The following ARHGEF3 variants were observed in gnomAD, a reference collection of about 807,000 sequenced individuals.
The protein encoded by ARHGEF3 is Rho guanine nucleotide exchange factor 3, also known as 59.8 kDA protein.
Under a neutral mutation model 63.2 loss-of-function variants are expected in ARHGEF3, and 28 were observed. That is an observed-to-expected ratio of 0.44 (90% CI 0.33 to 0.61). ARHGEF3 has a LOEUF of 0.61. Ranked by LOEUF, ARHGEF3 falls within the 20% of genes least tolerant of loss-of-function variation. The probability of loss-of-function intolerance (pLI) is 0.03; values close to 1 mark genes in which losing one functional copy is unlikely to be tolerated. For synonymous variants in ARHGEF3, 266 were observed against 254.2 expected (o/e 1.05, Z -0.44); for missense variants, 533 against 659.3 (o/e 0.81, Z 2.10).
At chr3:56,775,792 A>ACG (rs1159997839) in intron 1 of ARHGEF3, 25 of 384,100 alleles carry the variant, frequency 6.5e-5, no homozygotes, top group Admixed American at 1.3e-4. Flanking sequence ...ACACACACAC[A>ACG]CGCGCAAGCA....
intron 3 of ARHGEF3, among the ~76,000 whole-genome samples, chr3:56,896,345 G>C (rs1213631548): frequency 6.6e-6 from 1 of 152,118 alleles, no homozygotes; most frequent in Non-Finnish European, 1.5e-5. Flanking sequence ...ATGAGTTGCA[G>C]ACATTATGTC....
chr3:56,810,136 C>T (rs755119010), intron 4 of ARHGEF3, among the ~76,000 whole-genome samples: 1 of 152,236 alleles, frequency 6.6e-6, no homozygotes, highest in East Asian at 1.9e-4. Context: ...AAAATGTATA[C>T]ATTCCAGCTT....
intron 1 of ARHGEF3, among the ~76,000 whole-genome samples, chr3:57,040,474 C>CAAAGGAAAAGAAAAGAAAAGAAAAG (rs374272554): frequency 6.9e-6 from 1 of 144,524 alleles, no homozygotes; most frequent in African/African-American, 2.7e-5. Context: ...AAGACTCCGT[C>CAAAGGAAAAGAAAAGAAAAGAAAAG]AAAAGAAAAG....
intron 4 of ARHGEF3, among the ~76,000 whole-genome samples, chr3:56,879,148 A>G (rs2040686973): frequency 6.6e-6 from 1 of 152,224 alleles, no homozygotes; most frequent in Non-Finnish European, 1.5e-5. Context: ...TATGTATTAC[A>G]ATGTAATAAT....
chr3:56,885,932 C>T (rs1310708763), intron 3 of ARHGEF3, among the ~76,000 whole-genome samples: 1 of 152,180 alleles, frequency 6.6e-6, no homozygotes, highest in Non-Finnish European at 1.5e-5. Context: ...TTTCACAAAC[C>T]ATCACTAAGT....
intron 2 of ARHGEF3, among the ~76,000 whole-genome samples, chr3:56,986,433 G>A (rs1701540202): frequency 2.0e-5 from 3 of 152,216 alleles, no homozygotes; most frequent in African/African-American, 7.2e-5. Context: ...AGAAAGGTTT[G>A]GCAACAGTGG....
chr3:56,959,735 T>C (rs905228112), intron 2 of ARHGEF3, among the ~76,000 whole-genome samples: 3 of 152,132 alleles, frequency 2.0e-5, no homozygotes, highest in African/African-American at 7.2e-5. Context: ...CCCAGCACTT[T>C]GGGAGGCCGA....
At position 56,737,255 on chromosome 3, in the gene ARHGEF3, T is replaced by C. The variant is rs1291929489; in HGVS notation, c.971A>G (p.Gln324Arg). Residue 324 changes from glutamine to arginine, a missense_variant, in exon 8 of 10, where the codon CAG (glutamine) becomes CGG (arginine). This residue lies in a region of ARHGEF3 where 151 missense variants were observed against 190.7 expected (regional missense o/e 0.79). Transcript: ENST00000296315. ...AGAGCTGTCGATCAGGGAGTCTTTC[T>C]GGCCTTCTTCCAAGTAAAGAAGCCG... ...KERLLYLEEG[Q>R]KDSLIDSSRV... The C allele has an allele frequency of 1.2e-6, 2 of 1,614,118 alleles. No individual in the cohort carries two copies. Among genetic ancestry groups the C allele is most frequent in the Admixed American group, 1.7e-5 (1 of 60,014 alleles).
At chr3:57,003,045 C>G (rs1477177493) in intron 2 of ARHGEF3, among the ~76,000 whole-genome samples, 1 of 151,544 alleles carries the variant, frequency 6.6e-6, no homozygotes, top group African/African-American at 2.4e-5. Flanking sequence ...GCTGGGATTA[C>G]AGGCGTGAGC....
chr3:56,893,277 A>G (rs2041183782), intron 3 of ARHGEF3, among the ~76,000 whole-genome samples: 1 of 152,146 alleles, frequency 6.6e-6, no homozygotes, highest in African/African-American at 2.4e-5. Flanking sequence ...TCCTGAGCTC[A>G]AGGGATCCTC....
Position 56,737,228 on chromosome 3 carries a change from C to G in ARHGEF3, c.998G>C (p.Arg333Pro). 6.2e-7 allele frequency: 1 copy of G among 1,614,128 alleles called. No homozygotes were observed. The highest frequency in any genetic ancestry group is 1.7e-5 in the Admixed American group (1 of 60,022). ...GQKDSLIDSS[R>P]VLCCHGELKN... ...CAGTTCACCATGACAACACAAGACT[C>G]GAGAGCTGTCGATCAGGGAGTCTTT... The change falls in exon 8 of 10, where the codon CGA becomes CCA. Residue 333 changes from arginine (R) to proline (P), a missense_variant. By Grantham distance (103) the Arg-to-Pro change is moderately radical (BLOSUM62 -2). This residue lies in a region of ARHGEF3 where 151 missense variants were observed against 190.7 expected (regional missense o/e 0.79). Coordinates refer to ENST00000296315, the MANE Select transcript of ARHGEF3 (RefSeq NM_019555.3).
At chr3:57,044,218 T>C (rs78499291) in intron 1 of ARHGEF3, among the ~76,000 whole-genome samples, 3,049 of 152,346 alleles carry the variant, frequency 0.02, 109 homozygotes, top group African/African-American at 0.069. Flanking sequence ...GTGAACTGTG[T>C]ACTCTTCCAC....
At chr3:56,749,027 A>C (rs1017981168) in intron 6 of ARHGEF3, among the ~76,000 whole-genome samples, 4 of 152,036 alleles carry the variant, frequency 2.6e-5, no homozygotes, top group Admixed American at 6.6e-5. Context: ...TCTGTTAAAA[A>C]TACAAGAACT....
At chr3:56,922,947 A>G (rs2042179415) in intron 3 of ARHGEF3, among the ~76,000 whole-genome samples, 1 of 149,820 alleles carries the variant, frequency 6.7e-6, no homozygotes, top group Non-Finnish European at 1.5e-5. Context: ...ACACTTTGGG[A>G]AGCGTAGGCG....
intron 2 of ARHGEF3, among the ~76,000 whole-genome samples, chr3:56,960,192 G>A (rs986443010): frequency 6.6e-6 from 1 of 152,136 alleles, no homozygotes; most frequent in Non-Finnish European, 1.5e-5. Context: ...AACCAATACT[G>A]AGCACTTTAA....
intron 1 of ARHGEF3, chr3:57,074,105 T>C (rs764974119): frequency 4.3e-6 from 7 of 1,613,884 alleles, no homozygotes; most frequent in Non-Finnish European, 5.1e-6. Context: ...ATGGGGATAA[T>C]GAGAGGACCA....
chr3:56,815,317 A>G (rs1440740664), intron 4 of ARHGEF3, among the ~76,000 whole-genome samples: 1 of 152,194 alleles, frequency 6.6e-6, no homozygotes, highest in Non-Finnish European at 1.5e-5. Context: ...TAAACAGCAA[A>G]GACTGAAGTG....
chr3:56,755,249 G>T, intron 2 of ARHGEF3, 98 bp from the exon 3 acceptor site: 1 of 1,358,270 alleles, frequency 7.4e-7, no homozygotes, highest in Non-Finnish European at 1.0e-6. Flanking sequence ...AATCATATAT[G>T]TGAAAGAAAA....
intron 3 of ARHGEF3, 78 bp downstream of exon 3, chr3:56,754,903 C>T (rs1578419715): frequency 3.2e-6 from 5 of 1,574,356 alleles, no homozygotes; most frequent in African/African-American, 2.7e-5. Flanking sequence ...GAGACTAAGG[C>T]GCAAATTCCA....
Sources: gnomAD v4.1 joint callset for allele counts (sites outside exome capture counted in the v4.1 genomes callset) on GRCh38, gnomAD v4.1.1 for gene constraint, gnomAD v4.1.1 regional missense constraint, MANE v1.5 for transcripts, NCBI Gene and HGNC (gene_info 2026-07-23, HGNC 2026-07-21) for gene names.